DYNLL1: variants seen among roughly 807,000 people sequenced by gnomAD.
DYNLL1 encodes the protein dynein light chain LC8-type 1, also known as dynein light chain 1, cytoplasmic.
Under a neutral mutation model 10.1 loss-of-function variants are expected in DYNLL1, and 3 were observed. The observed-to-expected ratio is 0.30, with a 90% CI of 0.14 to 0.77. DYNLL1 has a LOEUF of 0.77. Among genes scored for constraint, DYNLL1 ranks in the 30% least tolerant of loss-of-function variants. The probability of loss-of-function intolerance (pLI) is 0.66; values close to 1 mark genes in which losing one functional copy is unlikely to be tolerated. For missense variants in DYNLL1, 47 were observed against 111.7 expected, an observed-to-expected ratio of 0.42 and a Z score of 2.61; for synonymous variants, 46 against 41.2, an observed-to-expected ratio of 1.12 and a Z score of -0.45.
chr12:120,470,773 GGT>G (rs1475644515), intron 1 of DYNLL1, among the ~76,000 whole-genome samples: 7 of 151,946 alleles, frequency 4.6e-5, no homozygotes, highest in Non-Finnish European at 8.8e-5. Flanking sequence ...GGCTGGGTGC[GGT>G]GGCTCACGCC....
intron 1 of DYNLL1, among the ~76,000 whole-genome samples, chr12:120,481,949 A>T (rs918449515): frequency 6.6e-6 from 1 of 152,192 alleles, no homozygotes; most frequent in Admixed American, 6.5e-5. Context: ...CCTGGACTCA[A>T]GTGATCCTCC....
intron 1 of DYNLL1, among the ~76,000 whole-genome samples, chr12:120,476,901 C>T (rs943526615): frequency 6.6e-6 from 1 of 150,770 alleles, no homozygotes; most frequent in Non-Finnish European, 1.5e-5. Flanking sequence ...CATGAGCCAC[C>T]GCGCCCGGAC....
rs200092900 is a variant in DYNLL1 at position 120,496,590 on chromosome 12, G to T, written c.132+37G>T. 3.9e-5 allele frequency: 63 copies of T among 1,613,830 alleles called. 1 individual carries two copies. In the Admixed American group the frequency reaches 7.5e-4, roughly 19 times the overall value. On this transcript the variant is annotated intron_variant, in intron 2 of 2. Transcript: ENST00000242577. ...CGCGGGGGCCGATACGCAGCCGGGA[G>T]CAGGGGGTTCCTTCCCCCCGATCCT...
chr12:120,473,644 G>A (rs1044285889), intron 1 of DYNLL1, among the ~76,000 whole-genome samples: 11 of 143,358 alleles, frequency 7.7e-5, no homozygotes, highest in Non-Finnish European at 1.6e-4. Context: ...GCAGTGAGCC[G>A]AGATTGCGCC....
chr12:120,492,220 C>A (rs1426332369), upstream of DYNLL1: 1 of 152,170 alleles, frequency 6.6e-6, no homozygotes, highest in Non-Finnish European at 1.5e-5. The surrounding 1 kb of genome is among the most constrained non-coding windows in gnomAD (Gnocchi z 4.1). Context: ...TATACAGTGG[C>A]AATAGCTACT....
upstream of DYNLL1, among the ~76,000 whole-genome samples, chr12:120,494,825 C>T (rs767559715): frequency 3.3e-5 from 5 of 152,090 alleles, no homozygotes; most frequent in African/African-American, 9.7e-5. Flanking sequence ...TAGGAAGCTT[C>T]CAGATACATG....
intron 1 of DYNLL1, among the ~76,000 whole-genome samples, chr12:120,477,818 CAG>C (rs1441952050): frequency 6.6e-6 from 1 of 151,852 alleles, no homozygotes; most frequent in East Asian, 1.9e-4. Flanking sequence ...TTTTCTGAGA[CAG>C]AGTTTCGCTC....
chr12:120,497,740 G>A (rs554957457), intron 2 of DYNLL1: 1 of 237,256 alleles, frequency 4.2e-6, no homozygotes, highest in African/African-American at 2.3e-5. Flanking sequence ...CACAGAACAT[G>A]ATAAACTACA....
chr12:120,487,276 T>C (rs1879018834), intron 1 of DYNLL1, among the ~76,000 whole-genome samples: 1 of 9,268 alleles, frequency 1.1e-4, no homozygotes, highest in African/African-American at 1.9e-4. Flanking sequence ...CCCGGCCTTT[T>C]TTTTTTTTTT....
At chr12:120,496,759 T>A in intron 2 of DYNLL1, 2 of 708,076 alleles carry the variant, frequency 2.8e-6, no homozygotes, top group South Asian at 1.9e-5. Flanking sequence ...TTTTTTTTTT[T>A]TAATTACCCA....
upstream of DYNLL1, chr12:120,493,716 G>T (rs981891617): frequency 1.3e-5 from 2 of 150,446 alleles, no homozygotes; most frequent in Non-Finnish European, 3.0e-5. Flanking sequence ...GGTTCACGCC[G>T]TTCTCCTGCC....
chr12:120,487,719 C>T (rs1433834506), intron 1 of DYNLL1, among the ~76,000 whole-genome samples: 3 of 152,122 alleles, frequency 2.0e-5, no homozygotes, highest in African/African-American at 7.2e-5. Flanking sequence ...TGCACGTGAC[C>T]GTTGCCAAGC....
chr12:120,492,729 CAGGTTTTCA>C (rs1038798832), upstream of DYNLL1, among the ~76,000 whole-genome samples: 1 of 152,102 alleles, frequency 6.6e-6, no homozygotes. This position sits in a 1 kb window ranked among gnomAD's most constrained non-coding sequence, Gnocchi z 4.1. Flanking sequence ...ATGAAAAATG[CAGGTTTTCA>C]GGCTTAGAAG....
intron 1 of DYNLL1, among the ~76,000 whole-genome samples, chr12:120,477,391 C>T (rs1878778336): frequency 6.6e-6 from 1 of 152,134 alleles, no homozygotes; most frequent in South Asian, 2.1e-4. Context: ...AACATTGAGC[C>T]TGGCTCTGTG....
At chr12:120,496,942 G>T in intron 2 of DYNLL1, 1 of 228,496 alleles carries the variant, frequency 4.4e-6, no homozygotes, top group Non-Finnish European at 8.6e-6. Context: ...CCAGTGGGGA[G>T]TTGAGGGAAG....
At chr12:120,474,948 A>G (rs1433681325) in intron 1 of DYNLL1, among the ~76,000 whole-genome samples, 2 of 152,242 alleles carry the variant, frequency 1.3e-5, no homozygotes, top group South Asian at 2.1e-4. Flanking sequence ...CTGGAAAGCT[A>G]CATAATAAAG....
chr12:120,478,096 GT>G (rs112506685), intron 1 of DYNLL1, among the ~76,000 whole-genome samples: 16 of 133,886 alleles, frequency 1.2e-4, no homozygotes, highest in East Asian at 4.6e-4. Context: ...CCGGCCAAAA[GT>G]TTTTTTTTTT....
intron 1 of DYNLL1, among the ~76,000 whole-genome samples, chr12:120,485,368 G>C (rs1183709259): frequency 6.9e-6 from 1 of 143,936 alleles, no homozygotes. Context: ...GCAATTCTCT[G>C]CCTCACCCTC....
At chr12:120,496,690 G>A in intron 2 of DYNLL1, 137 bp downstream of exon 2, 2 of 1,444,274 alleles carry the variant, frequency 1.4e-6, no homozygotes, top group Non-Finnish European at 1.9e-6. Flanking sequence ...CAGAAAGGAC[G>A]CAGATGCATT....
Sources: allele counts gnomAD v4.1 joint callset (sites outside exome capture counted in the v4.1 genomes callset), GRCh38; gene constraint gnomAD v4.1.1; non-coding constraint Gnocchi (gnomAD v3.1); transcripts MANE v1.5; gene names NCBI Gene and HGNC (gene_info 2026-07-23, HGNC 2026-07-21).